Variants in MSH3 observed in about 807,000 individuals in gnomAD.
MSH3 encodes mutS homolog 3.
MSH3 carries 106 observed loss-of-function variants against 123.3 expected under a neutral mutation model. The ratio of observed to expected loss-of-function variants is 0.86; its 90% CI spans 0.73 to 1.01. MSH3 has a LOEUF of 1.01. Ranked by LOEUF, MSH3 falls within the 50% of genes least tolerant of loss-of-function variation. The pLI is 0.00. For synonymous variants in MSH3, 515 were observed against 481.4 expected, an observed-to-expected ratio of 1.07 and a Z score of -0.91; for missense variants, 1,459 against 1,347.6, an observed-to-expected ratio of 1.08 and a Z score of -1.29.
At chr5:80,758,180 G>A (rs919886254) in intron 12 of MSH3, among the ~76,000 whole-genome samples, 1 of 152,100 alleles carries the variant, frequency 6.6e-6, no homozygotes, top group African/African-American at 2.4e-5. Context: ...CCCACTTGTT[G>A]TTCACTTTGC....
In MSH3 at chr5:80,768,930, G is replaced by A. The variant is rs148896355; in HGVS notation, c.2180G>A (p.Arg727Gln). 7.6e-5 allele frequency: 123 copies of A among 1,612,850 alleles called. 4 individuals carry two copies. The South Asian group carries it at 9.3e-4, about 12-fold the overall frequency. Residue 727 changes from arginine to glutamine, a missense_variant, in exon 15 of 24, where the codon CGA becomes CAA. Physicochemically the swap from Arg to Gln is conservative, Grantham distance 43. Coordinates refer to ENST00000265081, the MANE Select transcript of MSH3 (RefSeq NM_002439.5). ...ATTCAAGGTGTTATTGACGAGATCC[G>A]AATGCATTTGCAAGAAATACGAAAA... is the stretch of plus-strand genomic sequence containing the variant. ...DEIQGVIDEI[R>Q]MHLQEIRKIL... is the part of the protein sequence containing the mutation.
intron 10 of MSH3, among the ~76,000 whole-genome samples, chr5:80,729,441 T>G (rs1404027042): frequency 1.5e-5 from 2 of 133,860 alleles, no homozygotes; most frequent in Admixed American, 7.9e-5. Context: ...TGTGTGTGTG[T>G]GTGTGTGTGT....
intron 20 of MSH3, among the ~76,000 whole-genome samples, chr5:80,816,647 G>A (rs1745106776): frequency 6.6e-6 from 1 of 152,204 alleles, no homozygotes; most frequent in Non-Finnish European, 1.5e-5. Flanking sequence ...GGCTCTTTTG[G>A]TGGTCTTGGT....
At chr5:80,697,331 A>T (rs1422625091) in intron 8 of MSH3, among the ~76,000 whole-genome samples, 5 of 152,214 alleles carry the variant, frequency 3.3e-5, no homozygotes, top group African/African-American at 4.8e-5. Context: ...GAGCCAAGTT[A>T]CACCTGGTTT....
At chr5:80,827,441 G>A (rs1745339076) in intron 20 of MSH3, among the ~76,000 whole-genome samples, 1 of 152,164 alleles carries the variant, frequency 6.6e-6, no homozygotes, top group South Asian at 2.1e-4. Context: ...GCCCAACTTA[G>A]TGTAATTCAG....
At chr5:80,775,484 A>G (rs963177144) in intron 15 of MSH3, among the ~76,000 whole-genome samples, 1 of 152,178 alleles carries the variant, frequency 6.6e-6, no homozygotes, top group Non-Finnish European at 1.5e-5. Context: ...CAAATGTTTT[A>G]TGCAATACAA....
intron 20 of MSH3, among the ~76,000 whole-genome samples, chr5:80,834,268 C>G (rs1202141750): frequency 1.3e-5 from 2 of 151,980 alleles, no homozygotes; most frequent in Non-Finnish European, 2.9e-5. Flanking sequence ...GCCTAATAGT[C>G]CTGGGTTCTT....
At chr5:80,764,462 G>T (rs1744090997) in intron 13 of MSH3, among the ~76,000 whole-genome samples, 1 of 151,248 alleles carries the variant, frequency 6.6e-6, no homozygotes. Context: ...TACAGCTTCA[G>T]CCTCCAGCCT....
intron 19 of MSH3, among the ~76,000 whole-genome samples, chr5:80,797,927 C>A (rs2112032956): frequency 6.6e-6 from 1 of 152,226 alleles, no homozygotes; most frequent in South Asian, 2.1e-4. Context: ...TCTCAACTCT[C>A]CCAGGATTGT....
At chr5:80,832,064 C>G (rs1183216174) in intron 20 of MSH3, among the ~76,000 whole-genome samples, 3 of 151,800 alleles carry the variant, frequency 2.0e-5, no homozygotes, top group South Asian at 4.2e-4. Context: ...GAGCTGAGAT[C>G]GCGCCACTGC....
At chr5:80,750,552 T>G (rs536555431) in intron 12 of MSH3, among the ~76,000 whole-genome samples, 1 of 152,260 alleles carries the variant, frequency 6.6e-6, no homozygotes, top group Admixed American at 6.5e-5. Context: ...TCAGACCTTT[T>G]GCCCATTTTT....
chr5:80,820,796 G>A (rs115784860), intron 20 of MSH3, among the ~76,000 whole-genome samples: 141 of 152,284 alleles, frequency 9.3e-4, no homozygotes, highest in African/African-American at 3.3e-3. Context: ...TTAATACACA[G>A]GAAAGAGCAA....
At chr5:80,863,266 G>A (rs573802343) in intron 21 of MSH3, among the ~76,000 whole-genome samples, 7 of 152,306 alleles carry the variant, frequency 4.6e-5, no homozygotes, top group South Asian at 4.1e-4. Flanking sequence ...ACCATGGCCC[G>A]TGACACAGCC....
intron 8 of MSH3, 137 bp from the exon 9 acceptor site, chr5:80,725,316 C>A: frequency 1.6e-6 from 1 of 611,042 alleles, no homozygotes; most frequent in Non-Finnish European, 2.9e-6. Flanking sequence ...CTCTTTCTTT[C>A]TCTCTCTTTC....
In MSH3 at chr5:80,787,678, A is replaced by G. The variant is rs777808755; in HGVS notation, c.2543+6A>G. 6.3e-7 allele frequency: 1 copy of G among 1,589,438 alleles called. No homozygotes were observed. The highest frequency in any genetic ancestry group is 1.7e-5 in the Admixed American group (1 of 59,986). ...AAGCAAGGAGATTACTGCAGGTAAG[A>G]TATTTTTCATTTTCCTCTTTATCAG... On this transcript the variant is annotated splice_donor_region_variant and intron_variant, in intron 18 of 23. Transcript: ENST00000265081.
Position 80,670,189 on chromosome 5 carries a change from G to A in MSH3, c.672G>A (p.Arg224=), listed in dbSNP as rs141028683. 5 of 1,614,068 alleles carry A rather than the reference G, an allele frequency of 3.1e-6. No homozygotes were observed. Among genetic ancestry groups the A allele is most frequent in the Non-Finnish European group, 4.2e-6 (5 of 1,180,004 alleles). ...CTGCTTCCAAATCAGCTAACAAACG[G>A]TCCAAAAGCATCTATACGCCGCTAG... is the stretch of plus-strand genomic sequence containing the variant. ...QKTASKSANK[R]SKSIYTPLEL... The change falls in exon 4 of 24, where the codon CGG becomes CGA. Residue 224 remains arginine (R), a synonymous_variant. Coordinates refer to ENST00000265081, the MANE Select transcript of MSH3 (RefSeq NM_002439.5).
intron 22 of MSH3, among the ~76,000 whole-genome samples, chr5:80,869,839 T>TACAC (rs1222307003): frequency 0.018 from 991 of 54,698 alleles, 9 homozygotes; most frequent in African/African-American, 0.049. Context: ...TATACATATA[T>TACAC]ATACACACAC....
chr5:80,704,074 T>G (rs1332309711), intron 8 of MSH3, among the ~76,000 whole-genome samples: 1 of 152,136 alleles, frequency 6.6e-6, no homozygotes, highest in Non-Finnish European at 1.5e-5. Context: ...TGACACTCCT[T>G]CTGCTGAAGT....
intron 12 of MSH3, among the ~76,000 whole-genome samples, chr5:80,750,889 C>G (rs1175703241): frequency 6.6e-6 from 1 of 152,166 alleles, no homozygotes; most frequent in Non-Finnish European, 1.5e-5. Flanking sequence ...GGGTTAACTG[C>G]TTGTACTTGA....
Sources: gnomAD v4.1 joint callset for allele counts (sites outside exome capture counted in the v4.1 genomes callset) on GRCh38, gnomAD v4.1.1 for gene constraint, MANE v1.5 for transcripts, NCBI Gene and HGNC (gene_info 2026-07-23, HGNC 2026-07-21) for gene names.